Variants in PKHD1 observed in about 807,000 individuals in gnomAD.
PKHD1 encodes PKHD1 ciliary IPT domain containing fibrocystin/polyductin, also known as fibrocystin.
A neutral mutation model predicts 412.0 loss-of-function variants in PKHD1; 291 were observed. The ratio of observed to expected loss-of-function variants is 0.71; its 90% CI spans 0.64 to 0.78. The LOEUF is 0.78. Ranked by LOEUF, PKHD1 falls within the 30% of genes least tolerant of loss-of-function variation. The pLI, the probability that PKHD1 is intolerant of heterozygous loss-of-function variation, is 0.00. For missense variants in PKHD1, 4,825 were observed against 4,950.7 expected (o/e 0.97, Z 0.76); for synonymous variants, 1,777 against 1,821.5 (o/e 0.98, Z 0.62).
intron 60 of PKHD1, among the ~76,000 whole-genome samples, chr6:51,672,816 G>A (rs1775215729): frequency 6.6e-6 from 1 of 152,094 alleles, no homozygotes. Flanking sequence ...ACAAGGAAGG[G>A]GCTCTTGAAC....
At chr6:51,788,692 C>T (rs1443782607) in intron 53 of PKHD1, among the ~76,000 whole-genome samples, 1 of 152,074 alleles carries the variant, frequency 6.6e-6, no homozygotes, top group Non-Finnish European at 1.5e-5. Flanking sequence ...GGATAACTGG[C>T]TTTATGAGCC....
intron 48 of PKHD1, among the ~76,000 whole-genome samples, chr6:51,863,973 A>T (rs1018083730): frequency 1.3e-5 from 2 of 152,188 alleles, no homozygotes; most frequent in Admixed American, 6.5e-5. Flanking sequence ...ATAAGGACAG[A>T]CGGACAATTT....
chr6:51,798,590 A>G (rs975507875), intron 52 of PKHD1, among the ~76,000 whole-genome samples: 2 of 151,962 alleles, frequency 1.3e-5, no homozygotes, highest in Non-Finnish European at 2.9e-5. Flanking sequence ...GAATTTGATG[A>G]GTATGTGTCT....
At chr6:52,046,274 T>C (rs1347922550) in intron 23 of PKHD1, 86 bp from the exon 24 acceptor site, 13 of 1,024,158 alleles carry the variant, frequency 1.3e-5, no homozygotes, top group Non-Finnish European at 1.9e-5. Context: ...ACACGATACA[T>C]ACTAGGATGC....
chr6:51,937,327 C>T (rs1441955879), intron 36 of PKHD1, among the ~76,000 whole-genome samples: 2 of 152,176 alleles, frequency 1.3e-5, no homozygotes, highest in African/African-American at 4.8e-5. Context: ...TAAAACCAAG[C>T]TGTAGCCTGA....
intron 64 of PKHD1, among the ~76,000 whole-genome samples, chr6:51,634,322 C>T (rs1047824708): frequency 6.6e-6 from 1 of 152,180 alleles, no homozygotes; most frequent in South Asian, 2.1e-4. Context: ...GCTACTACAA[C>T]AAAATCTCCT....
At chr6:51,989,785 T>C (rs1796650504) in intron 35 of PKHD1, among the ~76,000 whole-genome samples, 1 of 148,950 alleles carries the variant, frequency 6.7e-6, no homozygotes. Context: ...TATACAGCTA[T>C]ATCTGCTGAA....
intron 35 of PKHD1, among the ~76,000 whole-genome samples, chr6:52,006,378 G>GTT (rs1799063804): frequency 1.3e-5 from 2 of 150,374 alleles, no homozygotes; most frequent in South Asian, 4.2e-4. Context: ...GTTGTTGTTT[G>GTT]TTTGTTTGTT....
At chr6:51,671,498 C>T (rs1373795534) in intron 60 of PKHD1, among the ~76,000 whole-genome samples, 5 of 151,958 alleles carry the variant, frequency 3.3e-5, no homozygotes, top group African/African-American at 9.7e-5. Context: ...TTTGAATTTC[C>T]TCCCGTAGCT....
chr6:51,682,219 A>C, intron 60 of PKHD1: 1 of 456,018 alleles, frequency 2.2e-6, no homozygotes, highest in South Asian at 1.6e-5. Flanking sequence ...AACATAAGGG[A>C]ACTCTTCTTT....
At chr6:52,067,869 A>G (rs1809988378) in intron 11 of PKHD1, among the ~76,000 whole-genome samples, 1 of 152,098 alleles carries the variant, frequency 6.6e-6, no homozygotes, top group African/African-American at 2.4e-5. Context: ...ATAGGAAGGA[A>G]CCATGCATCA....
At chr6:51,784,373 G>T (rs1021312519) in intron 53 of PKHD1, among the ~76,000 whole-genome samples, 1 of 152,154 alleles carries the variant, frequency 6.6e-6, no homozygotes, top group African/African-American at 2.4e-5. Context: ...TCAGCTCTGA[G>T]ACCTTGAAAC....
At chr6:51,631,927 C>CTTT (rs1277193806) in intron 65 of PKHD1, among the ~76,000 whole-genome samples, 24 of 137,648 alleles carry the variant, frequency 1.7e-4, no homozygotes, top group African/African-American at 4.9e-4. Flanking sequence ...TCCCCGGATT[C>CTTT]TTTTTTTTTT....
chr6:51,790,608 G>A (rs192599969), intron 53 of PKHD1, among the ~76,000 whole-genome samples: 27 of 152,252 alleles, frequency 1.8e-4, no homozygotes, highest in Admixed American at 8.5e-4. Context: ...ATTGTCCCAA[G>A]ATATGGTGGT....
chr6:51,922,445 G>A (rs1718797215), intron 37 of PKHD1, among the ~76,000 whole-genome samples: 1 of 152,224 alleles, frequency 6.6e-6, no homozygotes, highest in Admixed American at 6.5e-5. Context: ...TTCAAACTCT[G>A]TGCTGGGAGA....
intron 60 of PKHD1, among the ~76,000 whole-genome samples, chr6:51,694,390 T>C (rs1216962949): frequency 6.6e-6 from 1 of 151,854 alleles, no homozygotes; most frequent in East Asian, 1.9e-4. Flanking sequence ...AATTTATTTA[T>C]TTACTTATTT....
chr6:52,085,090 C>A, intron 1 of PKHD1, 73 bp from the exon 2 acceptor site: 1 of 649,310 alleles, frequency 1.5e-6, no homozygotes, highest in Non-Finnish European at 2.8e-6. Context: ...GTTCTGAAAC[C>A]TGGGAAATTA....
chr6:51,679,728 G>A (rs113752526), intron 60 of PKHD1, among the ~76,000 whole-genome samples: 26 of 151,968 alleles, frequency 1.7e-4, no homozygotes, highest in African/African-American at 5.8e-4. Context: ...CCCATTGAAA[G>A]CAAATTGAAG....
chr6:51,992,689 C>T (rs1797183869), intron 35 of PKHD1, among the ~76,000 whole-genome samples: 1 of 152,254 alleles, frequency 6.6e-6, no homozygotes, highest in Non-Finnish European at 1.5e-5. Context: ...GGCTGGAAGA[C>T]TCTAACTGTG....
Sources: gnomAD v4.1 joint callset for allele counts (sites outside exome capture counted in the v4.1 genomes callset) on GRCh38, gnomAD v4.1.1 for gene constraint, MANE v1.5 for transcripts, NCBI Gene and HGNC (gene_info 2026-07-23, HGNC 2026-07-21) for gene names.